MME: variants seen among roughly 807,000 people sequenced by gnomAD.
MME encodes the protein membrane metalloendopeptidase, also known as neprilysin.
In MME, 98 loss-of-function variants were observed where a neutral mutation model predicts 113.2. The observed-to-expected ratio is 0.87, with a 90% confidence interval of 0.74 to 1.02. The LOEUF (loss-of-function observed/expected upper bound fraction) is 1.02, where lower values mean the gene tolerates loss of function less well. Ranked by LOEUF, MME falls within the 50% of genes least tolerant of loss-of-function variation. The pLI is 0.00. For missense variants in MME, 836 were observed against 896.0 expected (o/e 0.93, Z 0.86); for synonymous variants, 292 against 300.6 (o/e 0.97, Z 0.30).
chr3:155,057,929 A>T (rs1713999338), intron 1 of MME, among the ~76,000 whole-genome samples: 1 of 152,112 alleles, frequency 6.6e-6, no homozygotes, highest in Non-Finnish European at 1.5e-5. Flanking sequence ...ATTCTTTTGT[A>T]CATCTTATAG....
chr3:155,109,345 A>T (rs992267343), intron 3 of MME, among the ~76,000 whole-genome samples: 1 of 152,078 alleles, frequency 6.6e-6, no homozygotes, highest in Admixed American at 6.6e-5. Flanking sequence ...GAACTGGATC[A>T]TGGGTGGTGT....
chr3:155,087,168 C>T (rs1193760909), intron 3 of MME, among the ~76,000 whole-genome samples: 1 of 151,592 alleles, frequency 6.6e-6, no homozygotes, highest in East Asian at 1.9e-4. Context: ...TTTTGTTATT[C>T]ACTGAACTTT....
chr3:155,075,594 GTA>G (rs111969707), upstream of MME, among the ~76,000 whole-genome samples: 325 of 151,950 alleles, frequency 2.1e-3, 4 homozygotes, highest in African/African-American at 6.9e-3. Flanking sequence ...TTTTGTGGTT[GTA>G]TTAGTACTTT....
chr3:155,166,803 G>A (rs1723129247), intron 17 of MME, 99 bp from the exon 18 acceptor site: 4 of 1,493,654 alleles, frequency 2.7e-6, no homozygotes, highest in Non-Finnish European at 3.7e-6. Context: ...TGCGCCTGTA[G>A]TCCCAGCTAC....
chr3:155,101,810 C>G (rs1396270099), intron 3 of MME, among the ~76,000 whole-genome samples: 1 of 152,040 alleles, frequency 6.6e-6, no homozygotes, highest in Admixed American at 6.5e-5. Context: ...TATAGTTTAA[C>G]TAAACCGGGA....
At chr3:155,125,006 C>T (rs1367433469) in intron 8 of MME, among the ~76,000 whole-genome samples, 11 of 152,048 alleles carry the variant, frequency 7.2e-5, no homozygotes, top group Admixed American at 2.6e-4. Flanking sequence ...TGGCAGGCGC[C>T]CCTCCCCCAG....
rs541126873 is a variant in MME at position 155,115,378 on chromosome 3, A to G, written c.358+223A>G. Among the ~76,000 whole-genome samples, 34 of 152,190 alleles carry G rather than the reference A, an allele frequency of 2.2e-4. No individual in the cohort carries two copies. The East Asian group carries it at 2.9e-3, about 13-fold the overall frequency. ...CCTGCTTTCATTTGTAGGTATGCAA[A>G]TAATAAAGCGGTATCATCTCTAGAG... On this transcript the variant is annotated intron_variant, in intron 4 of 22. Transcript: ENST00000360490.
chr3:155,173,052 G>A (rs1712158267), intron 22 of MME, among the ~76,000 whole-genome samples: 1 of 152,004 alleles, frequency 6.6e-6, no homozygotes, highest in Non-Finnish European at 1.5e-5. Flanking sequence ...TATTCCCAAA[G>A]CTTCAGGAGA....
rs563680582 is a variant in MME at position 155,169,155 on chromosome 3, G to C, written c.1980+358G>C. Among the ~76,000 whole-genome samples, 34 of 152,302 alleles carry C rather than the reference G, an allele frequency of 2.2e-4. 1 individual carries two copies. Among genetic ancestry groups the C allele is most frequent in the African/African-American group, 7.5e-4 (31 of 41,572 alleles). On this transcript the variant is annotated intron_variant, in intron 20 of 22. Transcript: ENST00000360490. Reference sequence around the variant, plus strand: ...ATGTCCCATAAGAAGGATTATTTCAGGGTCTTTGACCAATATAAGAAACAG... The same window carrying C: ...ATGTCCCATAAGAAGGATTATTTCACGGTCTTTGACCAATATAAGAAACAG...
In MME at chr3:155,181,559, T is replaced by C. The variant is rs1383218934; in HGVS notation, c.*1100T>C. On this transcript the variant is annotated 3_prime_UTR_variant, in exon 23 of 23. Coordinates refer to ENST00000360490, the MANE Select transcript of MME (RefSeq NM_007289.4). ...TCAGGTTTGTCATCAGATGGAAATA[T>C]TTTGATAATAAATTGAAATTGTGAA... is the stretch of plus-strand genomic sequence containing the variant. The C allele has an allele frequency of 1.3e-5, 2 of 152,128 alleles. No individual in the cohort carries two copies. Among genetic ancestry groups the C allele is most frequent in the Admixed American group, 6.6e-5 (1 of 15,266 alleles). The allele number at this position is 152,128 out of a possible 1,614,324, so 9.4% of individuals were successfully genotyped here. A position where few individuals can be genotyped will look rare whatever the true frequency, so the allele number is the denominator to read the frequency against.
chr3:155,074,016 T>C (rs1714665908), intron 1 of MME, among the ~76,000 whole-genome samples: 1 of 152,030 alleles, frequency 6.6e-6, no homozygotes, highest in South Asian at 2.1e-4. Flanking sequence ...TTCTTTTCTA[T>C]TGACTTCTCT....
chr3:155,127,041 C>A (rs1719735632), intron 8 of MME, among the ~76,000 whole-genome samples: 1 of 150,730 alleles, frequency 6.6e-6, no homozygotes, highest in South Asian at 2.1e-4. Flanking sequence ...GGCATTTGTT[C>A]TCCAGGTTTG....
chr3:155,112,145 G>C (rs1469133834), intron 3 of MME: 1 of 152,164 alleles, frequency 6.6e-6, no homozygotes, highest in East Asian at 1.9e-4. Flanking sequence ...CTCTGTGAGA[G>C]AGAATATGCA....
At chr3:155,057,362 G>A (rs1713968610) in intron 1 of MME, among the ~76,000 whole-genome samples, 1 of 151,990 alleles carries the variant, frequency 6.6e-6, no homozygotes, top group South Asian at 2.1e-4. Context: ...ATCATCACTG[G>A]CCATCAGAGA....
Position 155,173,935 on chromosome 3 carries a change from A to T in MME, c.2153+1323A>T, listed in dbSNP as rs561308357. Reference sequence around the variant, plus strand: ...CAGTTTCTTGATATGTAAAATAAGGATTAAATTATCATGAGAGTTGCTAGA... The same window carrying T: ...CAGTTTCTTGATATGTAAAATAAGGTTTAAATTATCATGAGAGTTGCTAGA... On this transcript the variant is annotated intron_variant, in intron 22 of 22. Transcript: ENST00000360490. 2.2e-4 allele frequency among the ~76,000 whole-genome samples: 33 copies of T among 152,220 alleles called. 1 individual carries two copies. Among genetic ancestry groups the T allele is most frequent in the African/African-American group, 7.2e-4 (30 of 41,552 alleles).
At position 155,140,271 on chromosome 3, in the gene MME, T is replaced by C. The variant is rs1222649537; in HGVS notation, c.936T>C (p.Phe312=). ...CATTGGCCCAGATCCAAAATAACTTTTCACTAGAGATCAATGGGAAGGTAA... is the reference window on the plus strand; with the variant it reads ...CATTGGCCCAGATCCAAAATAACTTCTCACTAGAGATCAATGGGAAGGTAA... ...KMTLAQIQNN[F]SLEINGKPFS... The change falls in exon 10 of 23, where the codon TTT becomes TTC. Residue 312 remains phenylalanine, a synonymous_variant. Transcript: ENST00000360490. 1.2e-6 allele frequency: 2 copies of C among 1,611,274 alleles called. No individual in the cohort carries two copies. The highest frequency in any genetic ancestry group is 1.7e-6 in the Non-Finnish European group (2 of 1,177,710).
chr3:155,163,802 G>A (rs910785075), intron 17 of MME, among the ~76,000 whole-genome samples: 1 of 152,042 alleles, frequency 6.6e-6, no homozygotes, highest in Non-Finnish European at 1.5e-5. Context: ...TTTCAGACTT[G>A]AAAATTAAGA....
rs147120193 is a variant in MME, at chr3:155,073,092, G to A, written c.-10-11066G>A. Among the ~76,000 whole-genome samples the A allele has an allele frequency of 4.5e-3, 685 of 152,222 alleles. 5 individuals carry two copies. The highest frequency in any genetic ancestry group is 0.017 in the East Asian group (88 of 5,190). On this transcript the variant is annotated intron_variant, in intron 1 of 22. Coordinates refer to the MME transcript ENST00000492661. ...GTTTCCAACAAGGGCAAATTTTTCC[G>A]AGTTGTGGAATAGCTTGGTCAATGA...
Position 155,180,500 on chromosome 3 carries a change from A to G in MME, c.*41A>G, listed in dbSNP as rs1712986654. 4 of 1,466,046 alleles carry G rather than the reference A, an allele frequency of 2.7e-6. No individual in the cohort carries two copies. Among genetic ancestry groups the G allele is most frequent in the African/African-American group, 2.8e-5 (2 of 71,912 alleles). The allele number at this position is 1,466,046 out of a possible 1,614,324, so 90.8% of individuals were successfully genotyped here. A position where few individuals can be genotyped will look rare whatever the true frequency, so the allele number is the denominator to read the frequency against. ...TTGCAGCCCTTGGCTAGACTTGCCAACACCACAGAAATGGGGAATTCTCTA... is the reference window on the plus strand; with the variant it reads ...TTGCAGCCCTTGGCTAGACTTGCCAGCACCACAGAAATGGGGAATTCTCTA... On this transcript the variant is annotated 3_prime_UTR_variant, in exon 23 of 23. Transcript: ENST00000360490.
Sources: allele counts gnomAD v4.1 joint callset (sites outside exome capture counted in the v4.1 genomes callset), GRCh38; gene constraint gnomAD v4.1.1; transcripts MANE v1.5; gene names NCBI Gene and HGNC (gene_info 2026-07-23, HGNC 2026-07-21).